Variants in UNC13C observed in about 807,000 individuals in gnomAD.
The protein encoded by UNC13C is unc-13 homolog C, also known as protein unc-13 homolog C.
In UNC13C, 174 loss-of-function variants were observed where a neutral mutation model predicts 245.4. The ratio of observed to expected loss-of-function variants is 0.71; its 90% confidence interval spans 0.63 to 0.80. The LOEUF (loss-of-function observed/expected upper bound fraction) is 0.80, where lower values mean the gene tolerates loss of function less well. UNC13C is among the 30% of genes least tolerant of loss of function. UNC13C has a pLI of 0.00. For synonymous variants in UNC13C, 992 were observed against 895.1 expected, an observed-to-expected ratio of 1.11 and a Z score of -1.93; for missense variants, 2,829 against 2,602.9, an observed-to-expected ratio of 1.09 and a Z score of -1.89.
intron 24 of UNC13C, among the ~76,000 whole-genome samples, chr15:54,519,529 G>T (rs1419345571): frequency 2.6e-5 from 4 of 152,048 alleles, no homozygotes; most frequent in Non-Finnish European, 5.9e-5. Flanking sequence ...GACAGCTATT[G>T]ATGTTCAACT....
chr15:54,470,952 C>G (rs1892430978), intron 19 of UNC13C, among the ~76,000 whole-genome samples: 2 of 151,108 alleles, frequency 1.3e-5, no homozygotes, highest in African/African-American at 4.8e-5. Context: ...CAAATTTTTT[C>G]ATTTTTTTAA....
intron 19 of UNC13C, among the ~76,000 whole-genome samples, chr15:54,472,549 G>A (rs1445909825): frequency 6.6e-6 from 1 of 151,730 alleles, no homozygotes; most frequent in Admixed American, 6.6e-5. Context: ...TTCAAAGGCA[G>A]GTCTAATGCA....
At chr15:54,620,367 TAGGCACATTTCCTTA>T (rs1900718256) in intron 30 of UNC13C, among the ~76,000 whole-genome samples, 1 of 152,178 alleles carries the variant, frequency 6.6e-6, no homozygotes, top group African/African-American at 2.4e-5. Context: ...TTAAAGGTTT[TAGGCACATTTCCTTA>T]GACGTTACTT....
chr15:53,953,396 G>A, the UNC13C span, among the ~76,000 whole-genome samples: 1 of 152,148 alleles, frequency 6.6e-6, no homozygotes, highest in Non-Finnish European at 1.5e-5. Context: ...CAGAAGTCAA[G>A]GCACATTAGC....
At chr15:54,328,330 C>T (rs762555294) in intron 14 of UNC13C, among the ~76,000 whole-genome samples, 1 of 152,014 alleles carries the variant, frequency 6.6e-6, no homozygotes, top group Non-Finnish European at 1.5e-5. Context: ...ATTGCCTATG[C>T]ATTACTTCTG....
chr15:54,586,997 T>A (rs927897824), intron 30 of UNC13C, among the ~76,000 whole-genome samples: 7 of 152,212 alleles, frequency 4.6e-5, no homozygotes, highest in Admixed American at 6.5e-5. Flanking sequence ...CATTTATTCA[T>A]ATACTCAACA....
Position 54,494,692 on chromosome 15 carries a change from G to T in UNC13C, c.5018G>T (p.Arg1673Leu). 6.2e-7 allele frequency: 1 copy of T among 1,610,924 alleles called. No individual in the cohort carries two copies. Among genetic ancestry groups the T allele is most frequent in the South Asian group, 1.1e-5 (1 of 90,406 alleles). ...AAATGGTTTTATAATGAATATGTGC[G>T]TGAACTTCCTGCCTTCAAGGATGCT... is the stretch of plus-strand genomic sequence containing the variant. ...KVKWFYNEYV[R>L]ELPAFKDAVP... The change falls in exon 20 of 33, where the codon CGT becomes CTT. Residue 1673 changes from arginine (R) to leucine (L), a missense_variant. Arg to Leu is a moderately radical substitution (Grantham distance 102). Coordinates refer to ENST00000260323, the MANE Select transcript of UNC13C (RefSeq NM_001080534.3).
chr15:54,585,901 T>C (rs886908105), intron 30 of UNC13C, among the ~76,000 whole-genome samples: 2 of 152,202 alleles, frequency 1.3e-5, no homozygotes, highest in Admixed American at 1.3e-4. Flanking sequence ...CCCTTAGTAA[T>C]TGGGGTAACC....
intron 2 of UNC13C, among the ~76,000 whole-genome samples, chr15:54,072,633 G>C (rs1433468706): frequency 1.3e-5 from 2 of 152,060 alleles, no homozygotes; most frequent in Non-Finnish European, 2.9e-5. Context: ...GATTTTAAAG[G>C]GAAGTTCAGT....
intron 30 of UNC13C, among the ~76,000 whole-genome samples, chr15:54,590,086 A>T (rs552731337): frequency 6.6e-6 from 1 of 152,240 alleles, no homozygotes; most frequent in Admixed American, 6.5e-5. Flanking sequence ...TTTGTTGAAG[A>T]TCAATTGGCT....
At chr15:54,411,484 G>T (rs2040415354) in intron 18 of UNC13C, among the ~76,000 whole-genome samples, 1 of 152,044 alleles carries the variant, frequency 6.6e-6, no homozygotes, top group Non-Finnish European at 1.5e-5. Flanking sequence ...TTGGCATTTT[G>T]GTCTGTGGTC....
At chr15:54,073,541 C>G (rs943887657) in intron 2 of UNC13C, among the ~76,000 whole-genome samples, 2 of 152,224 alleles carry the variant, frequency 1.3e-5, no homozygotes, top group Non-Finnish European at 2.9e-5. Flanking sequence ...TCTCCAGCAT[C>G]TGTTGTTTCC....
chr15:54,355,835 T>C (rs78269392), intron 17 of UNC13C, among the ~76,000 whole-genome samples: 7,149 of 152,254 alleles, frequency 0.047, 249 homozygotes, highest in Admixed American at 0.11. Flanking sequence ...TTTCTGCATA[T>C]CCTTTCAGAG....
upstream of UNC13C, among the ~76,000 whole-genome samples, chr15:53,976,475 C>CTTTTTTTTT (rs879775519): frequency 1.4e-3 from 87 of 63,692 alleles, no homozygotes; most frequent in South Asian, 4.9e-3. Context: ...CTCTCTCTCT[C>CTTTTTTTTT]TCTTTTTTTT....
At chr15:53,997,315 T>C (rs1162429762) in intron 1 of UNC13C, among the ~76,000 whole-genome samples, 1 of 152,186 alleles carries the variant, frequency 6.6e-6, no homozygotes, top group Admixed American at 6.5e-5. Flanking sequence ...GTGAGTGTGA[T>C]ACAAATCAGA....
At chr15:54,458,260 C>G (rs118170421) in intron 19 of UNC13C, among the ~76,000 whole-genome samples, 4,626 of 152,002 alleles carry the variant, frequency 0.03, 178 homozygotes, top group Admixed American at 0.12. Flanking sequence ...ACTATATATA[C>G]TTTTAGTTTT....
rs556178279 is a variant in UNC13C at position 54,508,906 on chromosome 15, G to A, written c.5379+1712G>A. On this transcript the variant is annotated intron_variant, in intron 23 of 32. Coordinates refer to ENST00000260323, the MANE Select transcript of UNC13C (RefSeq NM_001080534.3). ...TAAAGATAGACATCATTTAAGATACGACCATAATATAGGCCGGGCGCGGTG... is the reference window on the plus strand; with the variant it reads ...TAAAGATAGACATCATTTAAGATACAACCATAATATAGGCCGGGCGCGGTG... Among the ~76,000 whole-genome samples, 227 of 152,032 alleles carry A rather than the reference G, an allele frequency of 1.5e-3. 1 individual carries two copies. Among genetic ancestry groups the A allele is most frequent in the African/African-American group, 5.3e-3 (219 of 41,486 alleles).
chr15:54,096,483 C>T (rs1367605509), intron 2 of UNC13C, among the ~76,000 whole-genome samples: 1 of 152,138 alleles, frequency 6.6e-6, no homozygotes, highest in African/African-American at 2.4e-5. Flanking sequence ...CAAAACTTAT[C>T]TAGTTGTCTG....
chr15:54,589,763 G>T (rs2141252705), intron 30 of UNC13C, among the ~76,000 whole-genome samples: 1 of 152,156 alleles, frequency 6.6e-6, no homozygotes, highest in African/African-American at 2.4e-5. Flanking sequence ...TGGATTGACT[G>T]CTGACTGTTC....
Sources: gnomAD v4.1 joint callset for allele counts (sites outside exome capture counted in the v4.1 genomes callset) on GRCh38, gnomAD v4.1.1 for gene constraint, MANE v1.5 for transcripts, NCBI Gene and HGNC (gene_info 2026-07-23, HGNC 2026-07-21) for gene names.